The following AIG1 variants were observed in gnomAD, a reference collection of about 807,000 sequenced individuals.
The protein encoded by AIG1 is androgen-induced gene 1 protein.
A neutral mutation model predicts 31.4 loss-of-function variants in AIG1; 23 were observed. The ratio of observed to expected loss-of-function variants is 0.73; its 90% CI spans 0.53 to 1.04. The LOEUF is 1.04. Ranked by LOEUF, AIG1 falls within the 50% of genes least tolerant of loss-of-function variation. The probability of loss-of-function intolerance (pLI) is 0.00; values close to 1 mark genes in which losing one functional copy is unlikely to be tolerated. For missense variants in AIG1, 274 were observed against 295.0 expected, an observed-to-expected ratio of 0.93 and a Z score of 0.52; for synonymous variants, 100 against 110.5, an observed-to-expected ratio of 0.90 and a Z score of 0.60.
intron 3 of AIG1, among the ~76,000 whole-genome samples, chr6:143,220,088 TAGGGGGC>T (rs758644073): frequency 3.9e-5 from 6 of 151,942 alleles, no homozygotes; most frequent in Admixed American, 1.3e-4. Context: ...CAATCTAGCT[TAGGGGGC>T]AGGGGGCAGG....
intron 3 of AIG1, among the ~76,000 whole-genome samples, chr6:143,204,149 C>T (rs1372010555): frequency 6.6e-6 from 1 of 152,142 alleles, no homozygotes; most frequent in Non-Finnish European, 1.5e-5. Context: ...TGTACTTCCT[C>T]AAAACTTACT....
intron 3 of AIG1, among the ~76,000 whole-genome samples, chr6:143,263,266 C>T (rs1405535618): frequency 7.8e-6 from 1 of 128,082 alleles, no homozygotes; most frequent in Non-Finnish European, 1.6e-5. Context: ...ATATCCTAGT[C>T]CTTTATTTGT....
rs74532391 is a variant in AIG1, at chr6:143,286,621, G to A, written c.515+2396G>A. Among the ~76,000 whole-genome samples, 1,282 of 152,228 alleles carry A rather than the reference G, an allele frequency of 8.4e-3. 19 individuals are homozygous for A. The highest frequency in any genetic ancestry group is 0.027 in the African/African-American group (1,131 of 41,514). On this transcript the variant is annotated intron_variant, in intron 4 of 5. Transcript: ENST00000357847. ...CCCGTGACACAACAGCCAAAGGTTC[G>A]GGATATGAAATCTTTTGATAGCATA...
intron 3 of AIG1, among the ~76,000 whole-genome samples, chr6:143,266,618 T>C (rs555714974): frequency 8.0e-4 from 121 of 152,158 alleles, no homozygotes; most frequent in African/African-American, 2.5e-3. Context: ...CAATTTCTGT[T>C]TGTCAATTAT....
chr6:143,216,481 A>T (rs551576824), intron 3 of AIG1, among the ~76,000 whole-genome samples: 1 of 152,186 alleles, frequency 6.6e-6, no homozygotes. Flanking sequence ...TGCCTGGATG[A>T]TAGCTTACTG....
chr6:143,233,157 A>G (rs762082735), intron 3 of AIG1, among the ~76,000 whole-genome samples: 6 of 152,078 alleles, frequency 3.9e-5, no homozygotes, highest in Non-Finnish European at 7.4e-5. Context: ...CTTGTCCCGG[A>G]TGTCCAGAAA....
chr6:143,151,695 C>CT (rs1471876750), intron 2 of AIG1, among the ~76,000 whole-genome samples: 1 of 152,046 alleles, frequency 6.6e-6, no homozygotes, highest in Non-Finnish European at 1.5e-5. Context: ...TGATTATAGA[C>CT]TAAAGATTAA....
At chr6:143,272,609 A>C (rs894134988) in intron 3 of AIG1, among the ~76,000 whole-genome samples, 2 of 152,332 alleles carry the variant, frequency 1.3e-5, no homozygotes, top group Admixed American at 1.3e-4. Flanking sequence ...CTTTGATGGG[A>C]GGAAAATGAC....
chr6:143,188,152 G>C (rs1789443481), intron 3 of AIG1: 2 of 1,000,394 alleles, frequency 2.0e-6, no homozygotes, highest in African/African-American at 3.5e-5. Context: ...TTAATGGATA[G>C]AGAAAAGATG....
intron 1 of AIG1, among the ~76,000 whole-genome samples, chr6:143,126,682 C>T (rs972661983): frequency 8.5e-5 from 13 of 152,068 alleles, no homozygotes; most frequent in Non-Finnish European, 1.5e-4. Context: ...GTTTGATGAA[C>T]TGAAAACAAA....
intron 2 of AIG1, among the ~76,000 whole-genome samples, chr6:143,151,354 A>C (rs1252144992): frequency 6.6e-6 from 1 of 152,224 alleles, no homozygotes; most frequent in Non-Finnish European, 1.5e-5. Flanking sequence ...ATAGAGAAAA[A>C]CAAAAAATAT....
chr6:143,180,849 C>G (rs1032217777), intron 3 of AIG1, among the ~76,000 whole-genome samples: 1 of 152,242 alleles, frequency 6.6e-6, no homozygotes, highest in Non-Finnish European at 1.5e-5. Context: ...TGAAACTGAT[C>G]CTCAAGGGAA....
At chr6:143,274,730 G>A (rs1479337257) in intron 3 of AIG1, among the ~76,000 whole-genome samples, 1 of 152,194 alleles carries the variant, frequency 6.6e-6, no homozygotes, top group Non-Finnish European at 1.5e-5. Context: ...GTCAGTAAAA[G>A]AGCATGTTTT....
intron 3 of AIG1, among the ~76,000 whole-genome samples, chr6:143,234,524 CAT>C (rs1793673234): frequency 6.6e-6 from 1 of 152,120 alleles, no homozygotes; most frequent in Non-Finnish European, 1.5e-5. Context: ...GAGAAGAAAA[CAT>C]TGATTGAGAG....
rs1301254384 is a variant in AIG1 at position 143,292,789 on chromosome 6, G to A, written c.515+8564G>A. Among the ~76,000 whole-genome samples, 1 of 152,178 alleles carries A rather than the reference G, an allele frequency of 6.6e-6. No homozygotes were observed. The highest frequency in any genetic ancestry group is 2.4e-5 in the African/African-American group (1 of 41,452). Reference sequence around the variant, plus strand: ...TCAGGCAGGATTGCCGTGAGCATCAGAAAAATGGGTATACAATGTCCAGCA... The same window carrying A: ...TCAGGCAGGATTGCCGTGAGCATCAAAAAAATGGGTATACAATGTCCAGCA... On this transcript the variant is annotated intron_variant, in intron 4 of 5. Coordinates refer to ENST00000357847, the MANE Select transcript of AIG1 (RefSeq NM_016108.4). The surrounding 1 kb of genome is among the most constrained non-coding windows in gnomAD (Gnocchi z 4.9).
At chr6:143,088,008 G>A (rs1252183990) in intron 1 of AIG1, among the ~76,000 whole-genome samples, 1 of 152,244 alleles carries the variant, frequency 6.6e-6, no homozygotes, top group East Asian at 1.9e-4. Flanking sequence ...GGCACATTTG[G>A]TTTGGGCTCA....
chr6:143,235,984 G>A (rs189968343), intron 3 of AIG1, among the ~76,000 whole-genome samples: 1 of 152,322 alleles, frequency 6.6e-6, no homozygotes, highest in Non-Finnish European at 1.5e-5. Context: ...GCAGGGAAGG[G>A]AGGAGATGAG....
chr6:143,114,877 G>C (rs1040080760), intron 1 of AIG1, among the ~76,000 whole-genome samples: 2 of 152,210 alleles, frequency 1.3e-5, no homozygotes, highest in Admixed American at 6.5e-5. Flanking sequence ...GAGATAGCTG[G>C]AGTCCTGGCT....
At chr6:143,313,069 G>C (rs543408778) in intron 4 of AIG1, among the ~76,000 whole-genome samples, 1 of 152,210 alleles carries the variant, frequency 6.6e-6, no homozygotes, top group East Asian at 1.9e-4. Flanking sequence ...TGTCGGGGAG[G>C]ATGTGGAGAA....
Sources: gnomAD v4.1 joint callset for allele counts (sites outside exome capture counted in the v4.1 genomes callset) on GRCh38, gnomAD v4.1.1 for gene constraint, Gnocchi (gnomAD v3.1) non-coding constraint, MANE v1.5 for transcripts, NCBI Gene and HGNC (gene_info 2026-07-23, HGNC 2026-07-21) for gene names.